MARCHF6: variants seen among roughly 807,000 people sequenced by gnomAD.
The protein encoded by MARCHF6 is E3 ubiquitin-protein ligase MARCHF6.
Under a neutral mutation model 133.7 loss-of-function variants are expected in MARCHF6, and 31 were observed. The ratio of observed to expected loss-of-function variants is 0.23; its 90% CI spans 0.17 to 0.31. The LOEUF (loss-of-function observed/expected upper bound fraction) is 0.31. Among genes scored for constraint, MARCHF6 ranks in the 10% least tolerant of loss-of-function variants. The probability of loss-of-function intolerance (pLI) is 1.00; values close to 1 mark genes in which losing one functional copy is unlikely to be tolerated. For missense variants in MARCHF6, 723 were observed against 1,121.6 expected (o/e 0.64, Z 5.08); for synonymous variants, 395 against 402.5 (o/e 0.98, Z 0.22).
Position 10,415,564 on chromosome 5 carries a change from T to G in MARCHF6, c.2043T>G (p.Gly681=). 1 of 1,614,194 alleles carries G rather than the reference T, an allele frequency of 6.2e-7. No individual in the cohort carries two copies. The highest frequency in any genetic ancestry group is 1.1e-5 in the South Asian group (1 of 91,078). The stretch of plus-strand genomic sequence containing the variant: ...ATGAGCTCTACACAGCTGCTTGTGG[T>G]CTCTATGTTTGCTGGCTAACCATAA... The part of the protein sequence containing the change: ...KIHELYTAAC[G]LYVCWLTIRA... The change falls in exon 21 of 26, where the codon GGT becomes GGG. Residue 681 remains glycine (G), a synonymous_variant. Coordinates refer to ENST00000274140, the MANE Select transcript of MARCHF6 (RefSeq NM_005885.4).
chr5:10,432,717 C>T (rs956632777), intron 25 of MARCHF6, among the ~76,000 whole-genome samples: 1 of 152,204 alleles, frequency 6.6e-6, no homozygotes. Flanking sequence ...CTTCTCCTTT[C>T]ATCACATACA....
chr5:10,389,660 C>T (rs1737700569), intron 5 of MARCHF6, among the ~76,000 whole-genome samples: 1 of 152,142 alleles, frequency 6.6e-6, no homozygotes, highest in Admixed American at 6.5e-5. Context: ...CCTTGGCCTC[C>T]CAAAGTGCTG....
At chr5:10,399,699 T>C (rs374075472) in intron 10 of MARCHF6, among the ~76,000 whole-genome samples, 1 of 152,214 alleles carries the variant, frequency 6.6e-6, no homozygotes, top group African/African-American at 2.4e-5. Flanking sequence ...CTCTGGGTTG[T>C]CCCTTACATA....
chr5:10,380,637 T>C (rs796092854), intron 3 of MARCHF6, among the ~76,000 whole-genome samples: 3 of 152,290 alleles, frequency 2.0e-5, no homozygotes, highest in African/African-American at 7.2e-5. Flanking sequence ...TAAAAGTTGC[T>C]ATTTGTGGCC....
chr5:10,389,458 G>A (rs1042074927), intron 5 of MARCHF6, among the ~76,000 whole-genome samples: 4 of 151,618 alleles, frequency 2.6e-5, no homozygotes, highest in African/African-American at 9.8e-5. Flanking sequence ...CTGGAGTGCG[G>A]TGGCTCAATC....
At position 10,417,154 on chromosome 5, in the gene MARCHF6, A is replaced by T. The variant is rs78786923; in HGVS notation, c.2149-116A>T. 4,826 of 1,181,428 alleles carry T rather than the reference A, an allele frequency of 4.1e-3. 155 individuals are homozygous for T. In the African/African-American group the frequency reaches 0.066, roughly 16 times the overall value. 73.2% of individuals were successfully genotyped at this position (1,181,428 alleles called of 1,614,324 possible). A position where few individuals can be genotyped will look rare whatever the true frequency, so the allele number is the denominator to read the frequency against. ...TGGATCCTAAAACCAGTCCCCGTGG[A>T]TACTGAGGGATGACTGTGGTTGCTC... On this transcript the variant is annotated intron_variant, in intron 21 of 25. Transcript: ENST00000274140.
intron 3 of MARCHF6, 28 bp downstream of exon 3, chr5:10,378,860 T>A: frequency 7.0e-7 from 1 of 1,420,920 alleles, no homozygotes; most frequent in Non-Finnish European, 9.8e-7. Context: ...TTTCACTGCA[T>A]TTTTTTTGGT....
chr5:10,417,842 G>T (rs1490107200), intron 22 of MARCHF6, among the ~76,000 whole-genome samples: 6 of 149,944 alleles, frequency 4.0e-5, no homozygotes, highest in Non-Finnish European at 7.4e-5. Flanking sequence ...TTATAAAATT[G>T]TTTAATGCTC....
intron 23 of MARCHF6, 107 bp downstream of exon 23, chr5:10,423,931 A>G (rs1579617856): frequency 6.2e-6 from 4 of 644,770 alleles, no homozygotes; most frequent in Non-Finnish European, 9.7e-6. Flanking sequence ...AGTTTTCTAC[A>G]TTTTTTTTGA....
Position 10,378,718 on chromosome 5 carries a change from T to C in MARCHF6, c.117-41T>C, listed in dbSNP as rs751293625. Reference sequence around the variant, plus strand: ...TTTCGACAAAACTGTAATGTTTCTTTGCTGTAAACACTGTACTTATGAATC... The same window carrying C: ...TTTCGACAAAACTGTAATGTTTCTTCGCTGTAAACACTGTACTTATGAATC... On this transcript the variant is annotated intron_variant, in intron 2 of 25. Coordinates refer to ENST00000274140, the MANE Select transcript of MARCHF6 (RefSeq NM_005885.4). 13 of 1,194,274 alleles carry C rather than the reference T, an allele frequency of 1.1e-5. No homozygotes were observed. The East Asian group carries it at 2.8e-4, about 26-fold the overall frequency. The allele number at this position is 1,194,274 out of a possible 1,614,324, so 74.0% of individuals were successfully genotyped here. A position where few individuals can be genotyped will look rare whatever the true frequency, so the allele number is the denominator to read the frequency against.
intron 24 of MARCHF6, among the ~76,000 whole-genome samples, chr5:10,428,331 G>GTTTTTTTT (rs10604024): frequency 2.6e-5 from 2 of 75,784 alleles, no homozygotes; most frequent in Non-Finnish European, 4.7e-5. Context: ...TTGCTTTTTA[G>GTTTTTTTT]TTTTTTTTTT....
intron 1 of MARCHF6, among the ~76,000 whole-genome samples, chr5:10,369,664 C>G (rs1429869022): frequency 7.7e-6 from 1 of 130,250 alleles, no homozygotes; most frequent in Non-Finnish European, 1.6e-5. Flanking sequence ...CCCCCATTTC[C>G]AGCCCCTGGC....
chr5:10,429,580 TG>T (rs750703106), intron 24 of MARCHF6, among the ~76,000 whole-genome samples: 7 of 152,124 alleles, frequency 4.6e-5, no homozygotes, highest in Non-Finnish European at 1.0e-4. Flanking sequence ...TTGTATTTTT[TG>T]GTAGAGACAG....
Position 10,423,791 on chromosome 5 carries a change from T to A in MARCHF6, c.2340T>A (p.Gly780=). 6.2e-7 allele frequency: 1 copy of A among 1,613,406 alleles called. No homozygotes were observed. The highest frequency in any genetic ancestry group is 8.5e-7 in the Non-Finnish European group (1 of 1,179,638). The change falls in exon 23 of 26, where the codon GGT becomes GGA. Residue 780 remains glycine (G), a synonymous_variant. Transcript: ENST00000274140. ...AKIIAAITLM[G]PQWWLKTVIE... ...TCATTGCAGCTATAACATTGATGGGTCCTCAGTGGTGGTTGAAAACTGTAA... is the reference window on the plus strand; with the variant it reads ...TCATTGCAGCTATAACATTGATGGGACCTCAGTGGTGGTTGAAAACTGTAA...
At chr5:10,433,569 T>A in intron 25 of MARCHF6, 25 bp from the exon 26 acceptor site, 1 of 1,549,924 alleles carries the variant, frequency 6.5e-7, no homozygotes, top group Non-Finnish European at 8.9e-7. Context: ...TAGAAGAGAG[T>A]AACCACCTTG....
chr5:10,398,497 T>G (rs1738320704), intron 10 of MARCHF6, among the ~76,000 whole-genome samples: 1 of 152,194 alleles, frequency 6.6e-6, no homozygotes, highest in African/African-American at 2.4e-5. Context: ...CCTTTACATG[T>G]GGGGGTGTCT....
intron 10 of MARCHF6, among the ~76,000 whole-genome samples, chr5:10,398,813 T>C (rs1738343755): frequency 6.6e-6 from 1 of 152,188 alleles, no homozygotes; most frequent in Non-Finnish European, 1.5e-5. Flanking sequence ...TGTTTTATTA[T>C]ATAGTTAGAA....
chr5:10,376,997 T>A (rs956756173), intron 1 of MARCHF6, among the ~76,000 whole-genome samples: 1 of 152,150 alleles, frequency 6.6e-6, no homozygotes, highest in South Asian at 2.1e-4. Context: ...ATAAAAGTTA[T>A]AACCAGGGTT....
chr5:10,417,599 C>G, intron 22 of MARCHF6, 195 bp downstream of exon 22: 1 of 606,894 alleles, frequency 1.6e-6, no homozygotes, highest in South Asian at 2.0e-5. Context: ...TTGGCTCATG[C>G]GTCTGGTCCC....
Sources: gnomAD v4.1 joint callset for allele counts (sites outside exome capture counted in the v4.1 genomes callset) on GRCh38, gnomAD v4.1.1 for gene constraint, MANE v1.5 for transcripts, NCBI Gene and HGNC (gene_info 2026-07-23, HGNC 2026-07-21) for gene names.